VPS53: variants seen among roughly 807,000 people sequenced by gnomAD.
VPS53 encodes the protein vacuolar protein sorting-associated protein 53 homolog.
A neutral mutation model predicts 107.0 loss-of-function variants in VPS53; 70 were observed. The ratio of observed to expected loss-of-function variants is 0.65; its 90% CI spans 0.54 to 0.80. VPS53 has a LOEUF of 0.80. VPS53 is among the 30% of genes least tolerant of loss of function. VPS53 has a pLI of 0.00. For synonymous variants in VPS53, 409 were observed against 393.3 expected, an observed-to-expected ratio of 1.04 and a Z score of -0.47; for missense variants, 917 against 1,049.4, an observed-to-expected ratio of 0.87 and a Z score of 1.74.
intron 7 of VPS53, chr17:632,716 G>T: frequency 2.2e-6 from 1 of 456,322 alleles, no homozygotes; most frequent in South Asian, 1.5e-5. Context: ...ATCTCCATGA[G>T]TTTACTTTGA....
At position 714,832 on chromosome 17, in the gene VPS53, G is replaced by C. The variant is rs1225296974; in HGVS notation, c.-123C>G. Reference sequence around the variant, plus strand: ...CCTGGTGAGCCCGGCTCCGTCAGCCGCTCTGTCAGCCGCTCCGGCACTTCC... The same window carrying C: ...CCTGGTGAGCCCGGCTCCGTCAGCCCCTCTGTCAGCCGCTCCGGCACTTCC... On this transcript the variant is annotated 5_prime_UTR_variant, in exon 1 of 22. Transcript: ENST00000437048. 4 of 1,079,636 alleles carry C rather than the reference G, an allele frequency of 3.7e-6. No individual in the cohort carries two copies. The highest frequency in any genetic ancestry group is 5.6e-6 in the Non-Finnish European group (4 of 716,918). The allele number at this position is 1,079,636 out of a possible 1,614,324, so 66.9% of individuals were successfully genotyped here. A position where few individuals can be genotyped will look rare whatever the true frequency, so the allele number is the denominator to read the frequency against.
intron 15 of VPS53, among the ~76,000 whole-genome samples, chr17:558,145 C>T (rs1165828202): frequency 6.6e-6 from 1 of 152,258 alleles, no homozygotes; most frequent in African/African-American, 2.4e-5. Context: ...CAGGCGTGAG[C>T]CACTGTACCC....
At chr17:662,799 A>AGGAAAGAGAAAGAAAGAAAAAAAGAAAG (rs1971506545) in intron 4 of VPS53, among the ~76,000 whole-genome samples, 1 of 140,664 alleles carries the variant, frequency 7.1e-6, no homozygotes, top group Non-Finnish European at 1.5e-5. Flanking sequence ...AAGAAAGAGA[A>AGGAAAGAGAAAGAAAGAAAAAAAGAAAG]AGAAAGAAAA....
rs1238458259 is a variant in VPS53 at position 515,853 on chromosome 17, G to C, written c.*3275C>G. On this transcript the variant is annotated 3_prime_UTR_variant, in exon 22 of 22. Coordinates refer to ENST00000437048, the MANE Select transcript of VPS53 (RefSeq NM_001128159.3). ...TCTGTCTCCCAGGCTGGAGTGCAGTGGCGGGACCTCGGCTCACTGCAACCT... is the reference window on the plus strand; with the variant it reads ...TCTGTCTCCCAGGCTGGAGTGCAGTCGCGGGACCTCGGCTCACTGCAACCT... The C allele has an allele frequency of 6.6e-6, 1 of 151,466 alleles. No individual in the cohort carries two copies. The highest frequency in any genetic ancestry group is 1.5e-5 in the Non-Finnish European group (1 of 67,920). 9.4% of individuals were successfully genotyped at this position (151,466 alleles called of 1,614,324 possible). A position where few individuals can be genotyped will look rare whatever the true frequency, so the allele number is the denominator to read the frequency against.
At chr17:604,266 C>T (rs1036969409) in intron 11 of VPS53, among the ~76,000 whole-genome samples, 6 of 152,104 alleles carry the variant, frequency 3.9e-5, no homozygotes, top group Admixed American at 2.0e-4. Flanking sequence ...ATCAAGAAAA[C>T]GCAGAGGGTA....
chr17:549,108 A>G (rs1911572138), intron 17 of VPS53, among the ~76,000 whole-genome samples: 1 of 151,962 alleles, frequency 6.6e-6, no homozygotes, highest in Non-Finnish European at 1.5e-5. Flanking sequence ...TGCCTTTCTG[A>G]GCCTTGCAGC....
intron 17 of VPS53, among the ~76,000 whole-genome samples, chr17:544,055 A>G (rs78493091): frequency 0.017 from 2,548 of 148,136 alleles, 35 homozygotes; most frequent in East Asian, 0.041. Context: ...GGGAGGAAGG[A>G]AGGAAAGAAG....
intron 4 of VPS53, among the ~76,000 whole-genome samples, chr17:690,236 G>A (rs556919376): frequency 4.9e-4 from 74 of 152,316 alleles, no homozygotes; most frequent in African/African-American, 1.4e-3. Flanking sequence ...GGGATGAAAC[G>A]AAAGCTGAGA....
intron 6 of VPS53, 27 bp downstream of exon 6, chr17:655,811 C>G (rs1971165481): frequency 6.3e-7 from 1 of 1,594,632 alleles, no homozygotes; most frequent in East Asian, 2.2e-5. Context: ...TCCCGTGGCC[C>G]CAAAAGAGAA....
intron 19 of VPS53, among the ~76,000 whole-genome samples, chr17:527,274 AAC>A (rs10611986): frequency 0.057 from 8,740 of 152,110 alleles, 629 homozygotes; most frequent in African/African-American, 0.17. Context: ...ACCTGCTCTG[AAC>A]ATTCGTCTCT....
chr17:653,235 G>GA, intron 7 of VPS53, 56 bp downstream of exon 7: 1 of 1,595,458 alleles, frequency 6.3e-7, no homozygotes. Context: ...TTTACCTTTC[G>GA]GAAAGCTGCC....
At chr17:551,324 G>C (rs2151837017) in intron 17 of VPS53, among the ~76,000 whole-genome samples, 1 of 152,216 alleles carries the variant, frequency 6.6e-6, no homozygotes, top group African/African-American at 2.4e-5. Flanking sequence ...CCCAGCACTT[G>C]GGGAGGACTC....
chr17:599,099 A>T lies in VPS53; in HGVS notation c.1218+2696T>A, dbSNP rs1239167517. 4.2e-4 allele frequency among the ~76,000 whole-genome samples: 22 copies of T among 52,490 alleles called. No homozygotes were observed. In the East Asian group the frequency reaches 0.015, roughly 35 times the overall value. 34.4% of individuals were successfully genotyped at this position (52,490 alleles called of 152,430 possible). A position where few individuals can be genotyped will look rare whatever the true frequency, so the allele number is the denominator to read the frequency against. ...CTGGGAAGTGAGGAGCCCCTCTGCC[A>T]GGCCAGCCGCCCCGTCCGGGAGGGA... On this transcript the variant is annotated intron_variant, in intron 12 of 21. Transcript: ENST00000437048.
At chr17:686,011 A>T (rs193061818) in intron 4 of VPS53, among the ~76,000 whole-genome samples, 1 of 152,084 alleles carries the variant, frequency 6.6e-6, no homozygotes, top group Admixed American at 6.6e-5. Context: ...TGTCTCTAAA[A>T]AAAAAAACAG....
At chr17:604,538 T>C (rs1272082090) in intron 11 of VPS53, among the ~76,000 whole-genome samples, 1 of 152,162 alleles carries the variant, frequency 6.6e-6, no homozygotes, top group South Asian at 2.1e-4. Context: ...CCATCTGGGA[T>C]AGAGTGAGCA....
At chr17:585,769 A>C (rs1156463782) in intron 13 of VPS53, among the ~76,000 whole-genome samples, 1 of 152,236 alleles carries the variant, frequency 6.6e-6, no homozygotes, top group Non-Finnish European at 1.5e-5. Flanking sequence ...AGGGGCATTA[A>C]TGGGACAGTA....
At chr17:607,317 T>A (rs998694643) in intron 11 of VPS53, among the ~76,000 whole-genome samples, 1 of 152,210 alleles carries the variant, frequency 6.6e-6, no homozygotes, top group Non-Finnish European at 1.5e-5. Context: ...AACTTTGCAC[T>A]TTCTAAGTGG....
chr17:645,938 C>T (rs1970678076), intron 7 of VPS53, among the ~76,000 whole-genome samples: 3 of 135,890 alleles, frequency 2.2e-5, no homozygotes, highest in Non-Finnish European at 4.9e-5. Context: ...TGGAGACTGG[C>T]TCCCACACAC....
rs766087033 is a variant in VPS53 at position 668,203 on chromosome 17, C to T, written c.286-6308G>A. 4.9e-4 allele frequency among the ~76,000 whole-genome samples: 75 copies of T among 152,090 alleles called. 1 individual carries two copies. The highest frequency in any genetic ancestry group is 8.5e-4 in the Non-Finnish European group (58 of 68,030). On this transcript the variant is annotated intron_variant, in intron 4 of 21. Coordinates refer to ENST00000437048, the MANE Select transcript of VPS53 (RefSeq NM_001128159.3). The stretch of plus-strand genomic sequence containing the variant: ...CATTTGGTTTACCGGGGACACGCTG[C>T]GTTTATGATTCAGTATAGTTATTAA...
Sources: allele counts gnomAD v4.1 joint callset (sites outside exome capture counted in the v4.1 genomes callset), GRCh38; gene constraint gnomAD v4.1.1; transcripts MANE v1.5; gene names NCBI Gene and HGNC (gene_info 2026-07-23, HGNC 2026-07-21).